MSRA: variants seen among roughly 807,000 people sequenced by gnomAD.
MSRA encodes the protein mitochondrial peptide methionine sulfoxide reductase.
MSRA carries 54 observed loss-of-function variants against 31.3 expected under a neutral mutation model. The ratio of observed to expected loss-of-function variants is 1.73; its 90% CI spans 1.39 to 2.17. The LOEUF is 2.17. Among genes scored for constraint, MSRA ranks in the 30% most tolerant of loss-of-function variants. MSRA has a pLI of 0.00. For missense variants in MSRA, 507 were observed against 300.9 expected (o/e 1.69, Z -5.07); for synonymous variants, 169 against 116.5 (o/e 1.45, Z -2.90).
At chr8:10,306,834 C>G (rs1342151596) in intron 4 of MSRA, among the ~76,000 whole-genome samples, 1 of 152,214 alleles carries the variant, frequency 6.6e-6, no homozygotes, top group Non-Finnish European at 1.5e-5. Flanking sequence ...ACTTCACCCA[C>G]TAAATCTGAT....
chr8:10,192,424 A>C (rs1235649065), intron 1 of MSRA, among the ~76,000 whole-genome samples: 1 of 152,144 alleles, frequency 6.6e-6, no homozygotes, highest in East Asian at 1.9e-4. Flanking sequence ...TGACACCTTG[A>C]TTGCATGTTT....
intron 5 of MSRA, among the ~76,000 whole-genome samples, chr8:10,403,132 C>T (rs1454956890): frequency 2.0e-5 from 3 of 152,186 alleles, no homozygotes; most frequent in African/African-American, 7.2e-5. Context: ...AATTATAAGC[C>T]ACAGATTAAA....
At chr8:10,130,212 A>G (rs1801799339) in intron 1 of MSRA, among the ~76,000 whole-genome samples, 1 of 152,220 alleles carries the variant, frequency 6.6e-6, no homozygotes. Context: ...ACTTCCATTG[A>G]GAAACACTGT....
At chr8:10,178,117 C>T (rs916113085) in intron 1 of MSRA, among the ~76,000 whole-genome samples, 1 of 152,110 alleles carries the variant, frequency 6.6e-6, no homozygotes, top group African/African-American at 2.4e-5. Flanking sequence ...TATATCAGAG[C>T]AAGAAATCTT....
chr8:10,226,040 G>C (rs1372742724), intron 2 of MSRA, among the ~76,000 whole-genome samples: 1 of 152,216 alleles, frequency 6.6e-6, no homozygotes, highest in Non-Finnish European at 1.5e-5. Context: ...TGCTAGTCAA[G>C]TTATTTCTTA....
chr8:10,147,362 G>A lies in MSRA; in HGVS notation c.143-60471G>A, dbSNP rs185680257. 3.9e-5 allele frequency among the ~76,000 whole-genome samples: 6 copies of A among 152,282 alleles called. No individual in the cohort carries two copies. In the East Asian group the frequency reaches 9.7e-4, roughly 25 times the overall value. ...GTGTGGAGGGTCAGCTTCCGCAGCA[G>A]CTCAGTCATCAGCTGTTGGCAGGAG... On this transcript the variant is annotated intron_variant, in intron 1 of 5. Transcript: ENST00000317173.
intron 5 of MSRA, among the ~76,000 whole-genome samples, chr8:10,332,934 T>C (rs1044214049): frequency 1.3e-5 from 2 of 152,242 alleles, no homozygotes; most frequent in Non-Finnish European, 2.9e-5. Context: ...TGGCAGGATA[T>C]GAGTCCCTGG....
At chr8:10,094,013 C>A (rs952609688) in intron 1 of MSRA, among the ~76,000 whole-genome samples, 6 of 152,200 alleles carry the variant, frequency 3.9e-5, no homozygotes, top group African/African-American at 1.4e-4. Flanking sequence ...TGATGAGTCG[C>A]TTCTCCAATG....
chr8:10,264,624 A>G (rs1233996184), intron 3 of MSRA, among the ~76,000 whole-genome samples: 2 of 152,182 alleles, frequency 1.3e-5, no homozygotes, highest in East Asian at 3.9e-4. Flanking sequence ...AGGAGTGAGC[A>G]GGTGGGCATG....
intron 1 of MSRA, among the ~76,000 whole-genome samples, chr8:10,080,175 T>C (rs888948651): frequency 2.0e-5 from 3 of 152,212 alleles, no homozygotes; most frequent in African/African-American, 7.2e-5. Context: ...TGGTTGCTAA[T>C]ACAGTTACGA....
At chr8:10,380,531 G>A (rs905903604) in intron 5 of MSRA, among the ~76,000 whole-genome samples, 5 of 152,178 alleles carry the variant, frequency 3.3e-5, no homozygotes, top group South Asian at 2.1e-4. Flanking sequence ...AGTTACCCTG[G>A]TTAGCCCAAA....
At chr8:10,326,030 G>T (rs12680918) in intron 5 of MSRA, among the ~76,000 whole-genome samples, 9,080 of 152,258 alleles carry the variant, frequency 0.06, 834 homozygotes, top group East Asian at 0.46. Flanking sequence ...TACATACACT[G>T]CTTTCCTCTT....
intron 1 of MSRA, among the ~76,000 whole-genome samples, chr8:10,057,809 C>T (rs908759945): frequency 3.9e-5 from 6 of 152,190 alleles, no homozygotes; most frequent in Non-Finnish European, 8.8e-5. Flanking sequence ...CCTCCCTGGC[C>T]ATGCTTTCTG....
At chr8:10,067,613 T>C (rs1797525189) in intron 1 of MSRA, among the ~76,000 whole-genome samples, 1 of 152,250 alleles carries the variant, frequency 6.6e-6, no homozygotes, top group Non-Finnish European at 1.5e-5. Flanking sequence ...AATTGTCTTC[T>C]GTACCATTTT....
intron 1 of MSRA, among the ~76,000 whole-genome samples, chr8:10,107,285 CACTT>C (rs1185770944): frequency 4.0e-5 from 6 of 151,272 alleles, no homozygotes; most frequent in Admixed American, 2.6e-4. Context: ...TTTAATTTAA[CACTT>C]AAGTATAGCA....
At chr8:10,108,044 C>T (rs866398803) in intron 1 of MSRA, among the ~76,000 whole-genome samples, 3 of 152,184 alleles carry the variant, frequency 2.0e-5, no homozygotes, top group South Asian at 2.1e-4. Flanking sequence ...ATATAGGGGT[C>T]GTTGTCTTCT....
At chr8:10,392,742 T>G (rs1806827819) in intron 5 of MSRA, among the ~76,000 whole-genome samples, 1 of 151,114 alleles carries the variant, frequency 6.6e-6, no homozygotes. Context: ...CTAAGGTGCA[T>G]TCCCATACTA....
intron 1 of MSRA, among the ~76,000 whole-genome samples, chr8:10,164,042 C>T (rs1456477287): frequency 6.6e-6 from 1 of 152,232 alleles, no homozygotes; most frequent in African/African-American, 2.4e-5. Context: ...GTACTTGATT[C>T]TTTAGGTCCT....
intron 3 of MSRA, among the ~76,000 whole-genome samples, chr8:10,256,545 A>G (rs116948988): frequency 1.3e-5 from 2 of 152,186 alleles, no homozygotes; most frequent in Non-Finnish European, 2.9e-5. Flanking sequence ...CTGCTAGCTG[A>G]TATCAGGCAA....
Sources: allele counts gnomAD v4.1 joint callset (sites outside exome capture counted in the v4.1 genomes callset), GRCh38; gene constraint gnomAD v4.1.1; transcripts MANE v1.5; gene names NCBI Gene and HGNC (gene_info 2026-07-23, HGNC 2026-07-21).